Variants in MON1A observed in about 807,000 individuals in gnomAD.
The protein encoded by MON1A is vacuolar fusion protein MON1 homolog A.
A neutral mutation model predicts 44.6 loss-of-function variants in MON1A; 29 were observed. The ratio of observed to expected loss-of-function variants is 0.65; its 90% confidence interval spans 0.48 to 0.89. MON1A has a LOEUF of 0.89. MON1A is among the 40% of genes least tolerant of loss of function. The probability of loss-of-function intolerance (pLI) is 0.00; values close to 1 mark genes in which losing one functional copy is unlikely to be tolerated. For synonymous variants in MON1A, 275 were observed against 316.4 expected (o/e 0.87, Z 1.39); for missense variants, 615 against 759.6 (o/e 0.81, Z 2.24).
In MON1A at chr3:49,909,332, A is replaced by T. The variant is rs780144217; in HGVS notation, c.1448T>A (p.Leu483Ter). 3.1e-6 allele frequency: 5 copies of T among 1,614,038 alleles called. No individual in the cohort carries two copies. The highest frequency in any genetic ancestry group is 4.2e-6 in the Non-Finnish European group (5 of 1,179,998). ...AGAGGCATTGTGGGCACGACTGTGC[A>T]AGTACTGGTAGAGGCCCAGCAGCCG... ...QERLLGLYQYLHSRAHNASRP... is the reference protein window; with the variant it reads ...QERLLGLYQY The change falls in exon 5 of 6, where the codon TTG becomes TAG. Residue 483 changes from leucine (L) to a stop codon, truncating the protein, a stop_gained. Transcript: ENST00000296473. LOFTEE classifies it high-confidence loss of function. This position sits in a 1 kb window ranked among gnomAD's most constrained non-coding sequence, Gnocchi z 4.0.
intron 1 of MON1A, chr3:49,915,832 A>G: frequency 6.6e-6 from 1 of 152,380 alleles, no homozygotes; most frequent in Non-Finnish European, 1.5e-5. Context: ...AGGTGGCCAC[A>G]AGTGAATGTC....
At position 49,929,685 on chromosome 3, in the gene MON1A, T is replaced by C. The variant is rs1295042462; in HGVS notation, c.-90A>G. 9.0e-6 allele frequency: 14 copies of C among 1,550,790 alleles called. No individual in the cohort carries two copies. Among genetic ancestry groups the C allele is most frequent in the Non-Finnish European group, 1.2e-5 (14 of 1,146,862 alleles). On this transcript the variant is annotated 5_prime_UTR_variant, in exon 1 of 6. Transcript: ENST00000296473. ...TGCCGGACCCATGGAGGGGTAAGGG[T>C]GTCCGGCCGGGGCCGGCCTGAGGGC...
chr3:49,909,731 C>T lies in MON1A; in HGVS notation c.1380-331G>A, dbSNP rs1057066292. 2.7e-4 allele frequency: 98 copies of T among 357,382 alleles called. No homozygotes were observed. The highest frequency in any genetic ancestry group is 9.0e-4 in the Admixed American group (21 of 23,328). 22.1% of individuals were successfully genotyped at this position (357,382 alleles called of 1,614,324 possible). A position where few individuals can be genotyped will look rare whatever the true frequency, so the allele number is the denominator to read the frequency against. ...AAGGTGAGCTAGGAATCCTGTGGGC[C>T]AAAAGGGACAAAGGGAGGCCATATC... On this transcript the variant is annotated intron_variant, in intron 4 of 5. Coordinates refer to ENST00000296473, the MANE Select transcript of MON1A (RefSeq NM_032355.4). This position sits in a 1 kb window ranked among gnomAD's most constrained non-coding sequence, Gnocchi z 4.0.
At position 49,911,223 on chromosome 3, in the gene MON1A, TAG is replaced by T. The variant is rs2082879057; in HGVS notation, c.613+301_613+302del. On this transcript the variant is annotated intron_variant, in intron 3 of 5. Coordinates refer to ENST00000296473, the MANE Select transcript of MON1A (RefSeq NM_032355.4). This position sits in a 1 kb window ranked among gnomAD's most constrained non-coding sequence, Gnocchi z 5.7. ...ATAGATAGATAGATAGATAGATAGATAGATAGATAGATAGATAGATAGAGTTT... is the reference window on the plus strand; with the variant it reads ...ATAGATAGATAGATAGATAGATAGATATAGATAGATAGATAGATAGAGTTT... 1.3e-5 allele frequency among the ~76,000 whole-genome samples: 2 copies of T among 151,660 alleles called. No individual in the cohort carries two copies. The highest frequency in any genetic ancestry group is 2.9e-5 in the Non-Finnish European group (2 of 67,920).
At chr3:49,913,067 GGCCTCCT>G (rs771141816) in intron 2 of MON1A, 146 bp downstream of exon 2, 2 of 993,218 alleles carry the variant, frequency 2.0e-6, no homozygotes. Context: ...GAATGAGCCT[GGCCTCCT>G]GCCTTATCCC....
intron 1 of MON1A, chr3:49,916,950 A>G (rs1056888412): frequency 2.6e-5 from 4 of 152,242 alleles, no homozygotes; most frequent in African/African-American, 9.7e-5. Flanking sequence ...AAGCTATCCT[A>G]AAAGCCAGAG....
chr3:49,911,736 G>C lies in MON1A; in HGVS notation c.403C>G (p.Pro135Ala), dbSNP rs775910900. The C allele has an allele frequency of 1.2e-6, 2 of 1,613,730 alleles. No homozygotes were observed. The highest frequency in any genetic ancestry group is 1.7e-6 in the Non-Finnish European group (2 of 1,179,860). The change falls in exon 3 of 6, where the codon CCC becomes GCC. Residue 135 changes from proline (P) to alanine (A), a missense_variant. By Grantham distance (27) the Pro-to-Ala change is conservative. Coordinates refer to ENST00000296473, the MANE Select transcript of MON1A (RefSeq NM_032355.4). The surrounding 1 kb of genome is among the most constrained non-coding windows in gnomAD (Gnocchi z 5.7). ...GAVGRPATEP[P>A]REGTTEGDEE... is the part of the protein sequence containing the mutation. ...TCCCCCTCGGTTGTGCCCTCCCTGG[G>C]GGGCTCTGTGGCTGGTCGCCCAACT...
In MON1A at chr3:49,911,120, T is replaced by C. The variant is rs759056892; in HGVS notation, c.614-236A>G. ...CCCTCTGAAACACACATTCTTATGCTAAGTGCTAAGTCAACTGGCAACTGG... is the reference window on the plus strand; with the variant it reads ...CCCTCTGAAACACACATTCTTATGCCAAGTGCTAAGTCAACTGGCAACTGG... On this transcript the variant is annotated intron_variant, in intron 3 of 5. Coordinates refer to ENST00000296473, the MANE Select transcript of MON1A (RefSeq NM_032355.4). The surrounding 1 kb of genome is among the most constrained non-coding windows in gnomAD (Gnocchi z 5.7). 6.6e-6 allele frequency among the ~76,000 whole-genome samples: 1 copy of C among 152,022 alleles called. No homozygotes were observed. Among genetic ancestry groups the C allele is most frequent in the Non-Finnish European group, 1.5e-5 (1 of 68,020 alleles).
chr3:49,912,200 G>C (rs984439993), intron 2 of MON1A, among the ~76,000 whole-genome samples, 189 bp from the exon 3 acceptor site: 1 of 152,124 alleles, frequency 6.6e-6, no homozygotes, highest in Non-Finnish European at 1.5e-5. Context: ...TCCTCTCATC[G>C]TACTGGAAAG....
chr3:49,926,558 A>G (rs907922291), intron 1 of MON1A, among the ~76,000 whole-genome samples: 4 of 151,372 alleles, frequency 2.6e-5, no homozygotes, highest in African/African-American at 9.7e-5. Context: ...TCAGGCTCAA[A>G]TGATCCTTCC....
At chr3:49,923,019 A>G (rs2083015385) in intron 1 of MON1A, among the ~76,000 whole-genome samples, 1 of 151,580 alleles carries the variant, frequency 6.6e-6, no homozygotes, top group Admixed American at 6.6e-5. Flanking sequence ...AAGAAAGACA[A>G]TCTCATCCTT....
In MON1A at chr3:49,913,321, C is replaced by T. The variant is rs1351174064; in HGVS notation, c.26G>A (p.Arg9Lys). ...TGTGCCATCAAGGCATTCGCTGCTT[C>T]TCTTCCTCTGCATGTCAGTAGCCAT... is the stretch of plus-strand genomic sequence containing the variant. MATDMQRK[R>K]SSECLDGTLT... Residue 9 changes from arginine (R) to lysine (K), a missense_variant, in exon 2 of 6, where the codon AGA becomes AAA. By Grantham distance (26) the Arg-to-Lys change is conservative. Coordinates refer to ENST00000296473, the MANE Select transcript of MON1A (RefSeq NM_032355.4). 6.2e-7 allele frequency: 1 copy of T among 1,613,540 alleles called. No homozygotes were observed. The highest frequency in any genetic ancestry group is 1.7e-5 in the Admixed American group (1 of 60,014).
rs1417036156 is a variant in MON1A at position 49,909,338 on chromosome 3, T to C, written c.1442A>G (p.Gln481Arg). 6.2e-7 allele frequency: 1 copy of C among 1,613,880 alleles called. No individual in the cohort carries two copies. Among genetic ancestry groups the C allele is most frequent in the African/African-American group, 1.3e-5 (1 of 74,892 alleles). The change falls in exon 5 of 6, where the codon CAG becomes CGG. Residue 481 changes from glutamine to arginine, a missense_variant. Coordinates refer to ENST00000296473, the MANE Select transcript of MON1A (RefSeq NM_032355.4). This position sits in a 1 kb window ranked among gnomAD's most constrained non-coding sequence, Gnocchi z 4.0. ...ATTGTGGGCACGACTGTGCAAGTAC[T>C]GGTAGAGGCCCAGCAGCCGCTCCTG... is the stretch of plus-strand genomic sequence containing the variant. ...EEQERLLGLY[Q>R]YLHSRAHNAS...
intron 1 of MON1A, 95 bp downstream of exon 1, chr3:49,929,514 G>T: frequency 7.2e-7 from 1 of 1,393,700 alleles, no homozygotes; most frequent in Non-Finnish European, 9.9e-7. Flanking sequence ...AGCGTTGATG[G>T]CTGGAGGCCC....
At chr3:49,914,321 G>A (rs1289447739) in intron 1 of MON1A, among the ~76,000 whole-genome samples, 1 of 151,854 alleles carries the variant, frequency 6.6e-6, no homozygotes, top group Non-Finnish European at 1.5e-5. Flanking sequence ...GACCTCAAGT[G>A]ATCCGCCTGC....
At chr3:49,917,034 C>T (rs2082950928) in intron 1 of MON1A, 1 of 152,398 alleles carries the variant, frequency 6.6e-6, no homozygotes, top group South Asian at 2.1e-4. Context: ...GGGTTGTGGC[C>T]AGGGCTTCCA....
Position 49,910,769 on chromosome 3 carries a change from G to C in MON1A, c.729C>G (p.Ile243Met). 1 of 1,614,140 alleles carries C rather than the reference G, an allele frequency of 6.2e-7. No individual in the cohort carries two copies. Residue 243 changes from isoleucine to methionine, a missense_variant, in exon 4 of 6, where the codon ATC (isoleucine) becomes ATG (methionine). Transcript: ENST00000296473. This position sits in a 1 kb window ranked among gnomAD's most constrained non-coding sequence, Gnocchi z 8.0. ...GCTGCGCACCGGTAAGAAGGCTTAGGATCTGGTAGTAGATGTAGAGCAGCT... is the reference window on the plus strand; with the variant it reads ...GCTGCGCACCGGTAAGAAGGCTTAGCATCTGGTAGTAGATGTAGAGCAGCT... Reference protein sequence around the residue: ...AQELLYIYYQILSLLTGAQLS... With the variant: ...AQELLYIYYQMLSLLTGAQLS...
rs750370558 is a variant in MON1A, at chr3:49,910,659, TGCAGCAGGTTGTC to T, written c.826_838del (p.Asp276SerfsTer10). ...GAAGCTGGGGTCTCGTGCCATGAGC[TGCAGCAGGTTGTC>T]GGTGATGCGCTCTGAGCCCGAGAGT... On this transcript the variant is annotated frameshift_variant, in exon 4 of 6. Coordinates refer to ENST00000296473, the MANE Select transcript of MON1A (RefSeq NM_032355.4). LOFTEE classifies it high-confidence loss of function. The surrounding 1 kb of genome is among the most constrained non-coding windows in gnomAD (Gnocchi z 8.0). 6.2e-7 allele frequency: 1 copy of T among 1,606,906 alleles called. No individual in the cohort carries two copies. The highest frequency in any genetic ancestry group is 1.1e-5 in the South Asian group (1 of 90,310).
At chr3:49,919,928 G>A (rs2082982348) in intron 1 of MON1A, among the ~76,000 whole-genome samples, 2 of 152,148 alleles carry the variant, frequency 1.3e-5, no homozygotes, top group Non-Finnish European at 2.9e-5. Context: ...ACATCACCTG[G>A]CAAGGGAAGA....
Sources: allele counts gnomAD v4.1 joint callset (sites outside exome capture counted in the v4.1 genomes callset), GRCh38; gene constraint gnomAD v4.1.1; non-coding constraint Gnocchi (gnomAD v3.1); transcripts MANE v1.5; gene names NCBI Gene and HGNC (gene_info 2026-07-23, HGNC 2026-07-21).